The following GABRA2 variants were observed in gnomAD, a reference collection of about 807,000 sequenced individuals.
GABRA2 encodes the protein gamma-aminobutyric acid type A receptor subunit alpha2, also known as gamma-aminobutyric acid receptor subunit alpha-2.
GABRA2 carries 16 observed loss-of-function variants against 48.7 expected under a neutral mutation model. That is an observed-to-expected ratio of 0.33 (90% confidence interval 0.22 to 0.50). The LOEUF (loss-of-function observed/expected upper bound fraction) is 0.50, where lower values mean the gene tolerates loss of function less well. Ranked by LOEUF, GABRA2 falls within the 20% of genes least tolerant of loss-of-function variation. The probability of loss-of-function intolerance (pLI) is 0.98; values close to 1 mark genes in which losing one functional copy is unlikely to be tolerated. For synonymous variants in GABRA2, 185 were observed against 184.5 expected (o/e 1.00, Z -0.02); for missense variants, 275 against 535.6 (o/e 0.51, Z 4.80).
chr4:46,266,866 C>T (rs1357377173), intron 8 of GABRA2, among the ~76,000 whole-genome samples: 1 of 151,504 alleles, frequency 6.6e-6, no homozygotes, highest in Non-Finnish European at 1.5e-5. Context: ...GGATTACAGG[C>T]ATGCACCACC....
chr4:46,281,982 T>G (rs985333934), intron 8 of GABRA2, among the ~76,000 whole-genome samples: 1 of 151,998 alleles, frequency 6.6e-6, no homozygotes, highest in African/African-American at 2.4e-5. Flanking sequence ...GACGGAAGGG[T>G]TGGCAATATG....
At chr4:46,308,345 C>T (rs958136155) in intron 6 of GABRA2, among the ~76,000 whole-genome samples, 2 of 152,142 alleles carry the variant, frequency 1.3e-5, no homozygotes, top group Non-Finnish European at 2.9e-5. Flanking sequence ...ATTGAGGACA[C>T]TGACGAAGTT....
chr4:46,377,121 A>C, intron 3 of GABRA2, among the ~76,000 whole-genome samples: 1 of 151,950 alleles, frequency 6.6e-6, no homozygotes, highest in Admixed American at 6.5e-5. Flanking sequence ...TTGGCCTCCC[A>C]AAGTGCCGAG....
chr4:46,281,601 TG>T (rs1267535350), intron 8 of GABRA2, among the ~76,000 whole-genome samples: 3 of 152,202 alleles, frequency 2.0e-5, no homozygotes, highest in Non-Finnish European at 2.9e-5. Context: ...TCAAGTAAAT[TG>T]GCCTGAGATT....
intron 4 of GABRA2, among the ~76,000 whole-genome samples, chr4:46,327,787 GGT>G (rs1003590040): frequency 2.0e-5 from 3 of 151,918 alleles, no homozygotes; most frequent in African/African-American, 7.2e-5. Flanking sequence ...AAGAAACCAA[GGT>G]CATACTTACC....
intron 3 of GABRA2, among the ~76,000 whole-genome samples, chr4:46,336,791 A>AT (rs1400135852): frequency 6.6e-6 from 1 of 152,128 alleles, no homozygotes; most frequent in Non-Finnish European, 1.5e-5. Context: ...ATCCTAATCA[A>AT]TTTTGACAAA....
At chr4:46,289,442 G>A (rs936412596) in intron 8 of GABRA2, among the ~76,000 whole-genome samples, 2 of 152,154 alleles carry the variant, frequency 1.3e-5, no homozygotes, top group African/African-American at 4.8e-5. Flanking sequence ...GCAAATTAAT[G>A]CAGGAATAGA....
chr4:46,274,215 A>G (rs959443572), intron 8 of GABRA2, among the ~76,000 whole-genome samples: 2 of 152,114 alleles, frequency 1.3e-5, no homozygotes, highest in African/African-American at 4.8e-5. Flanking sequence ...GAGCAAATTG[A>G]GTTTACATGA....
At chr4:46,353,951 T>C (rs1014006479) in intron 3 of GABRA2, among the ~76,000 whole-genome samples, 1 of 152,192 alleles carries the variant, frequency 6.6e-6, no homozygotes, top group African/African-American at 2.4e-5. Flanking sequence ...ATCTGTTCAC[T>C]GATAAATTTC....
intron 8 of GABRA2, among the ~76,000 whole-genome samples, chr4:46,277,229 T>C (rs1037830363): frequency 6.6e-6 from 1 of 152,160 alleles, no homozygotes; most frequent in Admixed American, 6.6e-5. Flanking sequence ...CTTATTAATG[T>C]ATTTTGCTTC....
Position 46,262,772 on chromosome 4 carries a change from C to A in GABRA2, c.857-644G>T, listed in dbSNP as rs530100583. ...AATTAGCCCAGCGTGGTGGCAGGTG[C>A]CTGTAATCCCATCTACTTGGGAGGC... On this transcript the variant is annotated intron_variant, in intron 8 of 9. Transcript: ENST00000381620. Among the ~76,000 whole-genome samples, 322 of 152,040 alleles carry A rather than the reference C, an allele frequency of 2.1e-3. 2 individuals are homozygous for A. The highest frequency in any genetic ancestry group is 7.6e-3 in the African/African-American group (314 of 41,476).
At chr4:46,370,806 CTCTG>C (rs757743311) in intron 3 of GABRA2, among the ~76,000 whole-genome samples, 16 of 152,080 alleles carry the variant, frequency 1.1e-4, no homozygotes, top group East Asian at 1.9e-4. Flanking sequence ...CAACTCTATA[CTCTG>C]TCTATTTCTC....
intron 3 of GABRA2, among the ~76,000 whole-genome samples, chr4:46,361,129 C>T (rs1323603535): frequency 6.6e-6 from 1 of 152,068 alleles, no homozygotes; most frequent in Admixed American, 6.6e-5. Flanking sequence ...TAAGATACCT[C>T]GAGAAACTTG....
At chr4:46,310,346 G>T in intron 5 of GABRA2, 91 bp from the exon 6 acceptor site, 1 of 860,982 alleles carries the variant, frequency 1.2e-6, no homozygotes, top group Non-Finnish European at 1.9e-6. Context: ...GATAGAGGTA[G>T]AGCATTAATC....
At chr4:46,325,114 G>A (rs1730124873) in intron 4 of GABRA2, among the ~76,000 whole-genome samples, 1 of 151,896 alleles carries the variant, frequency 6.6e-6, no homozygotes, top group Non-Finnish European at 1.5e-5. Flanking sequence ...GTAGTAATAA[G>A]CTTGCTGGGT....
intron 9 of GABRA2, chr4:46,260,722 A>G (rs1032689971): frequency 2.0e-5 from 3 of 152,066 alleles, no homozygotes; most frequent in Admixed American, 1.3e-4. Flanking sequence ...ATTAAATTGT[A>G]ATGGAAATGC....
chr4:46,275,296 A>G (rs1387642919), intron 8 of GABRA2, among the ~76,000 whole-genome samples: 1 of 152,174 alleles, frequency 6.6e-6, no homozygotes, highest in East Asian at 1.9e-4. Flanking sequence ...TTAACTTTTT[A>G]TGACTTAATC....
chr4:46,377,358 TGA>T (rs1715920260), intron 3 of GABRA2, among the ~76,000 whole-genome samples: 1 of 146,714 alleles, frequency 6.8e-6, no homozygotes, highest in Admixed American at 6.7e-5. Flanking sequence ...GCCCATCGTC[TGA>T]GATGTGGGGA....
chr4:46,366,670 A>G (rs1322777074), intron 3 of GABRA2: 2 of 152,114 alleles, frequency 1.3e-5, no homozygotes, highest in Non-Finnish European at 2.9e-5. Context: ...GTATTAAATG[A>G]TATGTAAAGT....
Sources: allele counts gnomAD v4.1 joint callset (sites outside exome capture counted in the v4.1 genomes callset), GRCh38; gene constraint gnomAD v4.1.1; transcripts MANE v1.5; gene names NCBI Gene and HGNC (gene_info 2026-07-23, HGNC 2026-07-21).